NOL8: variants seen among roughly 807,000 people sequenced by gnomAD.
The protein encoded by NOL8 is nucleolar protein 8, also known as nucleolar protein Nop132.
In NOL8, 93 loss-of-function variants were observed where a neutral mutation model predicts 116.1. The ratio of observed to expected loss-of-function variants is 0.80; its 90% CI spans 0.68 to 0.95. The LOEUF (loss-of-function observed/expected upper bound fraction) is 0.95, where lower values mean the gene tolerates loss of function less well. NOL8 is among the 40% of genes least tolerant of loss of function. The probability of loss-of-function intolerance (pLI) is 0.00; values close to 1 mark genes in which losing one functional copy is unlikely to be tolerated. For synonymous variants in NOL8, 419 were observed against 469.0 expected (o/e 0.89, Z 1.38); for missense variants, 1,291 against 1,382.8 (o/e 0.93, Z 1.05).
Position 92,314,607 on chromosome 9 carries a change from G to T in NOL8, c.2018C>A (p.Ser673Tyr). ...GGACTTCTTACCTTCTAATGGCCTA[G>T]AAATAGGATTCTTACTTCTCTTTTC... ...SSEKRSKNPI[S>Y]RPLEGKKSLS... Residue 673 changes from serine to tyrosine, a missense_variant, in exon 7 of 17, where the codon TCT (serine) becomes TAT (tyrosine). Ser to Tyr is a moderately radical substitution (Grantham distance 144, BLOSUM62 -2). Transcript: ENST00000442668. The T allele has an allele frequency of 6.2e-7, 1 of 1,612,804 alleles. No homozygotes were observed. The highest frequency in any genetic ancestry group is 1.3e-5 in the African/African-American group (1 of 75,054).
Position 92,306,936 on chromosome 9 carries a change from G to A in NOL8, c.2775C>T (p.Ile925=), listed in dbSNP as rs769212882. The part of the protein sequence containing the change: ...ALNVVQSVLQ[I]NLSNSTNRGS... ...CTCTGTTTGTAGAATTGCTTAAGTT[G>A]ATTTGCAAAACACTTTGTACAACAT... The change falls in exon 11 of 17, where the codon ATC becomes ATT. Residue 925 remains isoleucine, a synonymous_variant. Coordinates refer to ENST00000442668, the MANE Select transcript of NOL8 (RefSeq NM_017948.6). 6.2e-7 allele frequency: 1 copy of A among 1,613,220 alleles called. No individual in the cohort carries two copies. Among genetic ancestry groups the A allele is most frequent in the South Asian group, 1.1e-5 (1 of 90,992 alleles).
At chr9:92,307,898 A>G (rs2134106450) in intron 10 of NOL8, among the ~76,000 whole-genome samples, 1 of 152,362 alleles carries the variant, frequency 6.6e-6, no homozygotes, top group South Asian at 2.1e-4. Context: ...GAACACATAT[A>G]TTGAAATAAT....
rs765023852 is a variant in NOL8 at position 92,314,392 on chromosome 9, A to G, written c.2233T>C (p.Ser745Pro). Residue 745 changes from serine (S) to proline (P), a missense_variant, in exon 7 of 17, where the codon TCG becomes CCG. By Grantham distance (74) the Ser-to-Pro change is moderately conservative. Coordinates refer to ENST00000442668, the MANE Select transcript of NOL8 (RefSeq NM_017948.6). ...TTATCTTTAGCACTCACATCTGACG[A>G]ATTACTAATAGAAAGTGAGAAATCA... ...KTDFSLSISN[S>P]SDVSAKDKHA... 1.2e-6 allele frequency: 2 copies of G among 1,613,558 alleles called. No homozygotes were observed. Among genetic ancestry groups the G allele is most frequent in the Non-Finnish European group, 1.7e-6 (2 of 1,179,524 alleles).
rs1237699688 is a variant in NOL8 at position 92,315,381 on chromosome 9, C to T, written c.1244G>A (p.Arg415Lys). 2.5e-6 allele frequency: 4 copies of T among 1,601,932 alleles called. No homozygotes were observed. The highest frequency in any genetic ancestry group is 1.7e-5 in the Admixed American group (1 of 58,050). Residue 415 changes from arginine (R) to lysine (K), a missense_variant, in exon 7 of 17, where the codon AGA becomes AAA. Transcript: ENST00000442668. ...GTGATCAGAAAGCTCACAGTTTTCT[C>T]TATTTTTGAAAGAAGTTTTCTTCGT... ...KSTKKTSFKN[R>K]ENCELSDHCI...
chr9:92,314,324 C>T lies in NOL8; in HGVS notation c.2301G>A (p.Ala767=), dbSNP rs763859897. ...DNEKRLAALE[A]RQKAKEVQKK... is the part of the protein sequence containing the mutation. ...TCTGCACTTCTTTTGCTTTTTGCCT[C>T]GCTTCCAAGGCTGCCAAACGCTTCT... The change falls in exon 7 of 17, where the codon GCG becomes GCA. Residue 767 remains alanine, a synonymous_variant. Coordinates refer to ENST00000442668, the MANE Select transcript of NOL8 (RefSeq NM_017948.6). 2.5e-4 allele frequency: 405 copies of T among 1,602,244 alleles called. No individual in the cohort carries two copies. Among genetic ancestry groups the T allele is most frequent in the Non-Finnish European group, 3.3e-4 (385 of 1,172,628 alleles).
intron 4 of NOL8, among the ~76,000 whole-genome samples, 163 bp from the exon 5 acceptor site, chr9:92,319,519 C>T (rs112165126): frequency 0.01 from 1,573 of 152,282 alleles, 31 homozygotes; most frequent in African/African-American, 0.036. Flanking sequence ...AGCTTACCTA[C>T]TTATCTGAAC....
Position 92,315,154 on chromosome 9 carries a change from A to C in NOL8, c.1471T>G (p.Leu491Val), listed in dbSNP as rs1839254983. 2 of 1,613,832 alleles carry C rather than the reference A, an allele frequency of 1.2e-6. No individual in the cohort carries two copies. The highest frequency in any genetic ancestry group is 2.2e-5 in the South Asian group (2 of 91,084). ...AGATCACTGCCAGCCAATTGTTCCA[A>C]ATCAGCTAAAGTGAGATTCACACGA... ...CLRVNLTLAD[L>V]EQLAGSDLKV... Residue 491 changes from leucine (L) to valine (V), a missense_variant, in exon 7 of 17, where the codon TTG (leucine) becomes GTG (valine). Coordinates refer to ENST00000442668, the MANE Select transcript of NOL8 (RefSeq NM_017948.6).
Position 92,319,252 on chromosome 9 carries a change from G to A in NOL8, c.386C>T (p.Ala129Val). The A allele has an allele frequency of 6.3e-7, 1 of 1,586,060 alleles. No individual in the cohort carries two copies. The highest frequency in any genetic ancestry group is 8.6e-7 in the Non-Finnish European group (1 of 1,169,128). ...KTGGVDFHMK[A>V]VPGTEVPGHK... ...CCCTGGCACTTCTGTCCCTGGCACA[G>A]CTTTCATATGGAAATCCACTCCTCC... The change falls in exon 5 of 17, where the codon GCT (alanine) becomes GTT (valine). Residue 129 changes from alanine to valine, a missense_variant. Coordinates refer to ENST00000442668, the MANE Select transcript of NOL8 (RefSeq NM_017948.6).
At position 92,297,861 on chromosome 9, in the gene NOL8, G is replaced by C. The variant is rs1230600592; in HGVS notation, c.3479C>G (p.Ala1160Gly). 3 of 1,547,716 alleles carry C rather than the reference G, an allele frequency of 1.9e-6. No individual in the cohort carries two copies. Among genetic ancestry groups the C allele is most frequent in the Non-Finnish European group, 2.6e-6 (3 of 1,145,484 alleles). ...TTATTTTGGTTTCATTTTCCTTTTT[G>C]CGTCTTTATGTTTCTTTCGACAATC... ...RMDCRKKHKDAKRKMKPK is the reference protein window; with the variant it reads ...RMDCRKKHKDGKRKMKPK Residue 1160 changes from alanine to glycine, a missense_variant, in exon 17 of 17, where the codon GCA becomes GGA. Ala to Gly is a moderately conservative substitution (Grantham distance 60). Coordinates refer to ENST00000442668, the MANE Select transcript of NOL8 (RefSeq NM_017948.6).
intron 7 of NOL8, 100 bp from the exon 8 acceptor site, chr9:92,311,359 TA>T: frequency 1.4e-6 from 1 of 728,186 alleles, no homozygotes; most frequent in Non-Finnish European, 2.3e-6. Context: ...GGGATCTAAT[TA>T]AACTAAAGAG....
At position 92,314,344 on chromosome 9, in the gene NOL8, G is replaced by T; in HGVS notation, c.2281C>A (p.Arg761Ser). 6.2e-7 allele frequency: 1 copy of T among 1,610,472 alleles called. No homozygotes were observed. Among genetic ancestry groups the T allele is most frequent in the Admixed American group, 1.7e-5 (1 of 59,860 alleles). Reference sequence around the variant, plus strand: ...TGCCTCGCTTCCAAGGCTGCCAAACGCTTCTCATTGTCTTCAGCATGCTTA... The same window carrying T: ...TGCCTCGCTTCCAAGGCTGCCAAACTCTTCTCATTGTCTTCAGCATGCTTA... ...KDKHAEDNEK[R>S]LAALEARQKA... The change falls in exon 7 of 17, where the codon CGT (arginine) becomes AGT (serine). Residue 761 changes from arginine to serine, a missense_variant. Transcript: ENST00000442668.
At chr9:92,314,217 G>A in intron 7 of NOL8, 50 bp downstream of exon 7, 1 of 1,499,788 alleles carries the variant, frequency 6.7e-7, no homozygotes, top group Non-Finnish European at 8.9e-7. Context: ...GGAAAGAAAA[G>A]CTGAACTTTC....
intron 10 of NOL8, among the ~76,000 whole-genome samples, chr9:92,309,172 T>C (rs1838539599): frequency 6.6e-6 from 1 of 152,196 alleles, no homozygotes; most frequent in African/African-American, 2.4e-5. Flanking sequence ...TGAACCTTGG[T>C]TTCCTGAAAC....
rs758099207 is a variant in NOL8 at position 92,321,633 on chromosome 9, A to C, written c.281+35T>G. ...TATAAAACCACTTACAATATAAAAA[A>C]AATAGGGCTTAAATCCATGTGGAGC... On this transcript the variant is annotated intron_variant, in intron 4 of 16. Transcript: ENST00000442668. The C allele has an allele frequency of 5.5e-6, 7 of 1,279,316 alleles. No homozygotes were observed. In the South Asian group the frequency reaches 8.6e-5, roughly 16 times the overall value. 79.2% of individuals were successfully genotyped at this position (1,279,316 alleles called of 1,614,324 possible).
intron 12 of NOL8, among the ~76,000 whole-genome samples, chr9:92,302,269 A>T (rs1837818504): frequency 6.6e-6 from 1 of 152,196 alleles, no homozygotes; most frequent in Non-Finnish European, 1.5e-5. Context: ...TTAATTATAA[A>T]TATGTATAGT....
chr9:92,313,750 A>G (rs747295009), intron 7 of NOL8, among the ~76,000 whole-genome samples: 1 of 152,128 alleles, frequency 6.6e-6, no homozygotes, highest in Non-Finnish European at 1.5e-5. Context: ...CTCAGCTCAG[A>G]CTACAGAAGC....
At chr9:92,306,418 T>C (rs1838265786) in intron 11 of NOL8, among the ~76,000 whole-genome samples, 1 of 152,168 alleles carries the variant, frequency 6.6e-6, no homozygotes, top group African/African-American at 2.4e-5. Context: ...GCATAAAACA[T>C]TTCATTGTGT....
At chr9:92,304,715 T>G (rs76564713) in intron 12 of NOL8, among the ~76,000 whole-genome samples, 1 of 152,204 alleles carries the variant, frequency 6.6e-6, no homozygotes, top group South Asian at 2.1e-4. Context: ...AGTTCCTAAA[T>G]AGCCTTCACT....
intron 15 of NOL8, chr9:92,298,614 G>T: frequency 2.1e-6 from 1 of 474,050 alleles, no homozygotes; most frequent in Non-Finnish European, 3.7e-6. Context: ...TGGAATTTAT[G>T]GCACTAAAAC....
Sources: gnomAD v4.1 joint callset for allele counts (sites outside exome capture counted in the v4.1 genomes callset) on GRCh38, gnomAD v4.1.1 for gene constraint, MANE v1.5 for transcripts, NCBI Gene and HGNC (gene_info 2026-07-23, HGNC 2026-07-21) for gene names.